The following CHRNA7 variants were observed in gnomAD, a reference collection of about 807,000 sequenced individuals.
The protein encoded by CHRNA7 is neuronal acetylcholine receptor subunit alpha-7.
A neutral mutation model predicts 48.0 loss-of-function variants in CHRNA7; 17 were observed. The observed-to-expected ratio is 0.35, with a 90% CI of 0.24 to 0.53. The LOEUF (loss-of-function observed/expected upper bound fraction) is 0.53, where lower values mean the gene tolerates loss of function less well. CHRNA7 is among the 20% of genes least tolerant of loss of function. The pLI is 0.92. For missense variants in CHRNA7, 155 were observed against 577.7 expected, an observed-to-expected ratio of 0.27 and a Z score of 7.50; for synonymous variants, 75 against 242.3, an observed-to-expected ratio of 0.31 and a Z score of 6.41.
At position 32,069,185 on chromosome 15, in the gene CHRNA7, G is replaced by A. The variant is rs529159425; in HGVS notation, c.196-32118G>A. ...ACAGAAAATGAAAAGACAACTCACA[G>A]AATGTGAGATAATATATGAAATAAT... is the stretch of plus-strand genomic sequence containing the variant. On this transcript the variant is annotated intron_variant, in intron 2 of 9. Transcript: ENST00000306901. Among the ~76,000 whole-genome samples the A allele has an allele frequency of 1.8e-4, 27 of 152,302 alleles. No individual in the cohort carries two copies. In the South Asian group the frequency reaches 5.6e-3, roughly 32 times the overall value.
chr15:32,128,941 G>T (rs1006279051), intron 4 of CHRNA7, among the ~76,000 whole-genome samples: 6 of 151,828 alleles, frequency 4.0e-5, no homozygotes, highest in African/African-American at 1.2e-4. Context: ...CTCTATTCCA[G>T]TTTTCTGAGA....
chr15:32,086,542 G>C (rs111934853), intron 2 of CHRNA7, among the ~76,000 whole-genome samples: 86 of 152,194 alleles, frequency 5.7e-4, no homozygotes, highest in African/African-American at 2.0e-3. Context: ...TTAGTAATTG[G>C]ATATTCATAG....
chr15:32,117,858 A>T lies in CHRNA7; in HGVS notation c.350+5959A>T, dbSNP rs117674533. 1.2e-4 allele frequency among the ~76,000 whole-genome samples: 18 copies of T among 152,274 alleles called. No homozygotes were observed. In the East Asian group the frequency reaches 3.5e-3, roughly 29 times the overall value. On this transcript the variant is annotated intron_variant, in intron 4 of 9. Transcript: ENST00000306901. ...TTGGCCTGCTGGTGCTCAAAGGCTC[A>T]TAATGCAGTCATGGCCAGGCTCTTG...
intron 4 of CHRNA7, among the ~76,000 whole-genome samples, chr15:32,126,916 A>T (rs2141308928): frequency 6.6e-6 from 1 of 152,344 alleles, no homozygotes; most frequent in South Asian, 2.1e-4. Flanking sequence ...CCAGTTTTAC[A>T]TTCATGCATT....
chr15:32,130,930 T>C (rs1279893527), intron 4 of CHRNA7, among the ~76,000 whole-genome samples: 1 of 152,156 alleles, frequency 6.6e-6, no homozygotes, highest in Non-Finnish European at 1.5e-5. Context: ...ATATTTTAAC[T>C]GGATTTAGAA....
rs1238811216 is a variant in CHRNA7, at chr15:32,170,431, T to TG, written c.*1973_*1974insG. 1 of 150,978 alleles carries TG rather than the reference T, an allele frequency of 6.6e-6. No individual in the cohort carries two copies. The highest frequency in any genetic ancestry group is 1.5e-5 in the Non-Finnish European group (1 of 67,442). The allele number at this position is 150,978 out of a possible 1,614,324, so 9.4% of individuals were successfully genotyped here. A position where few individuals can be genotyped will look rare whatever the true frequency, so the allele number is the denominator to read the frequency against. ...AACCATGCACAAGATTTTCGGTTTT[T>TG]TTTTTTTTTTCTGTTACAGTGTCTT... On this transcript the variant is annotated 3_prime_UTR_variant, in exon 10 of 10. Transcript: ENST00000306901.
chr15:32,085,891 GGCTTGC>G (rs1405253811), intron 2 of CHRNA7, among the ~76,000 whole-genome samples: 2 of 152,126 alleles, frequency 1.3e-5, no homozygotes, highest in African/African-American at 4.8e-5. Context: ...CTCTTATTGT[GGCTTGC>G]CATCTGCTCC....
At chr15:32,128,315 T>C (rs2051102683) in intron 4 of CHRNA7, among the ~76,000 whole-genome samples, 1 of 152,006 alleles carries the variant, frequency 6.6e-6, no homozygotes, top group Non-Finnish European at 1.5e-5. Context: ...ACTTTGTGTA[T>C]CCATATGTAC....
intron 2 of CHRNA7, among the ~76,000 whole-genome samples, chr15:32,092,576 A>G (rs1326934905): frequency 6.6e-6 from 1 of 151,780 alleles, no homozygotes; most frequent in Non-Finnish European, 1.5e-5. Context: ...CCTCATTCGT[A>G]TTTTCTGTGA....
intron 4 of CHRNA7, among the ~76,000 whole-genome samples, chr15:32,144,810 A>G (rs898963885): frequency 6.6e-6 from 1 of 152,128 alleles, no homozygotes; most frequent in African/African-American, 2.4e-5. Context: ...CTAGTTAGCC[A>G]TTCATCTAAC....
At chr15:32,153,216 C>T (rs1449544787) in intron 4 of CHRNA7, among the ~76,000 whole-genome samples, 4 of 151,858 alleles carry the variant, frequency 2.6e-5, no homozygotes, top group Admixed American at 6.6e-5. Context: ...GTCAGGAGAT[C>T]GAGACCATCC....
In CHRNA7 at chr15:32,082,973, T is replaced by C. The variant is rs569972698; in HGVS notation, c.196-18330T>C. Among the ~76,000 whole-genome samples, 35 of 152,274 alleles carry C rather than the reference T, an allele frequency of 2.3e-4. No individual in the cohort carries two copies. The East Asian group carries it at 6.4e-3, about 28-fold the overall frequency. On this transcript the variant is annotated intron_variant, in intron 2 of 9. Transcript: ENST00000306901. The stretch of plus-strand genomic sequence containing the variant: ...AACATGATGAAACACTGTCTCCTAC[T>C]AAAAATACAAAAATCAGCCTCGTGT...
intron 4 of CHRNA7, among the ~76,000 whole-genome samples, chr15:32,148,432 G>C (rs933893369): frequency 6.6e-6 from 1 of 152,158 alleles, no homozygotes; most frequent in Non-Finnish European, 1.5e-5. Flanking sequence ...GTGCTCAGCC[G>C]TAGAGGTCAA....
intron 3 of CHRNA7, among the ~76,000 whole-genome samples, chr15:32,105,345 A>C (rs972760295): frequency 6.6e-6 from 1 of 151,902 alleles, no homozygotes; most frequent in African/African-American, 2.4e-5. Context: ...GGAGGAGAAG[A>C]AGAAGGAAAA....
chr15:32,030,493 C>G, upstream of CHRNA7: 1 of 1,212,672 alleles, frequency 8.2e-7, no homozygotes, highest in Non-Finnish European at 1.1e-6. Context: ...TCCTTAAAGG[C>G]GCGCGAGCCG....
intron 4 of CHRNA7, among the ~76,000 whole-genome samples, chr15:32,153,019 C>T (rs985551386): frequency 3.3e-5 from 5 of 151,284 alleles, no homozygotes; most frequent in Non-Finnish European, 7.4e-5. Flanking sequence ...GCACTTACTT[C>T]TGTTGTCTTC....
intron 2 of CHRNA7, among the ~76,000 whole-genome samples, chr15:32,084,978 A>AC (rs2050272305): frequency 6.6e-6 from 1 of 151,858 alleles, no homozygotes; most frequent in Non-Finnish European, 1.5e-5. Flanking sequence ...GATTACAGGC[A>AC]CCCACCACCA....
chr15:32,150,950 G>T (rs75918022), intron 4 of CHRNA7, among the ~76,000 whole-genome samples: 4 of 152,122 alleles, frequency 2.6e-5, no homozygotes, highest in Admixed American at 6.5e-5. Context: ...GAAGTAAGGG[G>T]GGGGGATGTG....
intron 2 of CHRNA7, among the ~76,000 whole-genome samples, chr15:32,063,486 C>T (rs982954733): frequency 6.6e-6 from 1 of 152,198 alleles, no homozygotes; most frequent in East Asian, 1.9e-4. Context: ...TCTTCTGTCT[C>T]TGTGGAGACC....
Sources: gnomAD v4.1 joint callset for allele counts (sites outside exome capture counted in the v4.1 genomes callset) on GRCh38, gnomAD v4.1.1 for gene constraint, MANE v1.5 for transcripts, NCBI Gene and HGNC (gene_info 2026-07-23, HGNC 2026-07-21) for gene names.